Variants in MAU2 observed in about 807,000 individuals in gnomAD.
MAU2 encodes the protein MAU2 chromatid cohesion factor homolog.
MAU2 carries 9 observed loss-of-function variants against 89.1 expected under a neutral mutation model. The observed-to-expected ratio is 0.10, with a 90% CI of 0.06 to 0.18. The LOEUF is 0.18. MAU2 is among the 10% of genes least tolerant of loss of function. MAU2 has a pLI of 1.00. For missense variants in MAU2, 425 were observed against 803.5 expected (o/e 0.53, Z 5.69); for synonymous variants, 357 against 343.4 (o/e 1.04, Z -0.44).
chr19:19,352,384 C>T (rs936403225), intron 16 of MAU2: 8 of 152,230 alleles, frequency 5.3e-5, no homozygotes, highest in African/African-American at 1.9e-4. Context: ...CACACAGACA[C>T]ATAACTGTGT....
Position 19,341,357 on chromosome 19 carries a change from C to T in MAU2, c.685C>T (p.Arg229Cys), listed in dbSNP as rs1175943006. ...QGNPIQKESL[R>C]VFFLVLQVTH... ...GAACCCCATCCAGAAGGAGTCGCTG[C>T]GTGTCTTCTTCCTGGTGCTCCAGGT... is the stretch of plus-strand genomic sequence containing the variant. The change falls in exon 7 of 19, where the codon CGT becomes TGT. Residue 229 changes from arginine (R) to cysteine (C), a missense_variant. Physicochemically the swap from Arg to Cys is radical, Grantham distance 180. Around this residue, in one of 11 missense-constraint regions of MAU2, gnomAD observed 119 missense variants for 299.8 expected, o/e 0.40. Transcript: ENST00000262815. 4 of 1,613,900 alleles carry T rather than the reference C, an allele frequency of 2.5e-6. No homozygotes were observed. Among genetic ancestry groups the T allele is most frequent in the South Asian group, 2.2e-5 (2 of 91,078 alleles).
chr19:19,344,058 C>T (rs548935330), intron 10 of MAU2, 118 bp downstream of exon 10: 39 of 785,744 alleles, frequency 5.0e-5, no homozygotes, highest in African/African-American at 4.9e-4. Flanking sequence ...CCTGCTGTCT[C>T]GCTGTCGGCC....
In MAU2 at chr19:19,355,914, CG is replaced by C; in HGVS notation, c.*136del. On this transcript the variant is annotated 3_prime_UTR_variant, in exon 19 of 19. Coordinates refer to ENST00000262815, the MANE Select transcript of MAU2 (RefSeq NM_015329.4). ...AGAGCTTCCAAGTCCTGGGAATGTG[CG>C]GGGCCAGTCCCTGCCCTCCCAGGAG... The C allele has an allele frequency of 1.1e-6, 1 of 893,948 alleles. No individual in the cohort carries two copies. The highest frequency in any genetic ancestry group is 1.8e-6 in the Non-Finnish European group (1 of 553,162). 55.4% of individuals were successfully genotyped at this position (893,948 alleles called of 1,614,324 possible). A position where few individuals can be genotyped will look rare whatever the true frequency, so the allele number is the denominator to read the frequency against.
At position 19,356,173 on chromosome 19, in the gene MAU2, G is replaced by A; in HGVS notation, c.*391G>A. ...ACCACGCCTGACTCTCCATCACCCA[G>A]GCCTTGATGCCGAGCGGGAGTAGAG... On this transcript the variant is annotated 3_prime_UTR_variant, in exon 19 of 19. Coordinates refer to ENST00000262815, the MANE Select transcript of MAU2 (RefSeq NM_015329.4). 2.4e-6 allele frequency: 1 copy of A among 409,640 alleles called. No homozygotes were observed. The highest frequency in any genetic ancestry group is 6.6e-5 in the East Asian group (1 of 15,210). 25.4% of individuals were successfully genotyped at this position (409,640 alleles called of 1,614,324 possible). A position where few individuals can be genotyped will look rare whatever the true frequency, so the allele number is the denominator to read the frequency against.
chr19:19,321,391 T>G, intron 1 of MAU2: 1 of 453,422 alleles, frequency 2.2e-6, no homozygotes, highest in Non-Finnish European at 3.9e-6. Flanking sequence ...CACCGTACTC[T>G]GAAAGTTGCC....
In MAU2 at chr19:19,355,286, C is replaced by T. The variant is rs184450529; in HGVS notation, c.1662C>T (p.Asn554=). ...LLRDLNKACG[N]AMDAHEAAQM... ...CAGACCTGAATAAAGCCTGTGGGAA[C>T]GCCATGGATGCCCATGAAGCCGCCC... The change falls in exon 18 of 19, where the codon AAC becomes AAT. Residue 554 remains asparagine, a synonymous_variant. Coordinates refer to ENST00000262815, the MANE Select transcript of MAU2 (RefSeq NM_015329.4). 17 of 1,614,086 alleles carry T rather than the reference C, an allele frequency of 1.1e-5. No homozygotes were observed. Among genetic ancestry groups the T allele is most frequent in the East Asian group, 2.2e-5 (1 of 44,888 alleles).
intron 12 of MAU2, among the ~76,000 whole-genome samples, chr19:19,346,241 G>C (rs1048583170): frequency 4.6e-5 from 7 of 152,068 alleles, no homozygotes; most frequent in African/African-American, 1.7e-4. Flanking sequence ...TCCTCACCTC[G>C]CTCCCAGGAC....
At chr19:19,339,849 C>G (rs974098894) in intron 5 of MAU2, 1 of 151,734 alleles carries the variant, frequency 6.6e-6, no homozygotes, top group African/African-American at 2.4e-5. Context: ...CATGGTGAAA[C>G]CCCGTCTCTA....
chr19:19,334,435 T>C, intron 1 of MAU2: 1 of 985,710 alleles, frequency 1.0e-6, no homozygotes, highest in Non-Finnish European at 1.2e-6. Context: ...CTCTGTGCTT[T>C]CCCAGTGCCT....
In MAU2 at chr19:19,332,572, C is replaced by G. The variant is rs552821264; in HGVS notation, c.277-3146C>G. Among the ~76,000 whole-genome samples the G allele has an allele frequency of 2.1e-5, 3 of 143,158 alleles. No individual in the cohort carries two copies. The East Asian group carries it at 6.3e-4, about 30-fold the overall frequency. 93.9% of individuals were successfully genotyped at this position (143,158 alleles called of 152,430 possible). A position where few individuals can be genotyped will look rare whatever the true frequency, so the allele number is the denominator to read the frequency against. On this transcript the variant is annotated intron_variant, in intron 1 of 18. Transcript: ENST00000262815. ...AATCCTCTGGCTCCCAGTCAGCGCTCCTGACACCCACTGACGCTAGTGGAC... is the reference window on the plus strand; with the variant it reads ...AATCCTCTGGCTCCCAGTCAGCGCTGCTGACACCCACTGACGCTAGTGGAC...
chr19:19,344,116 C>A, intron 10 of MAU2, 176 bp downstream of exon 10: 1 of 603,748 alleles, frequency 1.7e-6, no homozygotes, highest in Admixed American at 2.7e-5. Flanking sequence ...GAATCTCATA[C>A]AAAAACCAGT....
intron 1 of MAU2, among the ~76,000 whole-genome samples, chr19:19,330,290 CTT>C (rs942334351): frequency 6.6e-6 from 1 of 151,202 alleles, no homozygotes; most frequent in Non-Finnish European, 1.5e-5. Flanking sequence ...AACCCTGTCT[CTT>C]ATAAAAACAA....
chr19:19,342,476 G>C, intron 7 of MAU2, 59 bp from the exon 8 acceptor site: 22 of 1,504,668 alleles, frequency 1.5e-5, no homozygotes, highest in South Asian at 5.4e-5. Flanking sequence ...TGGCTGGGCT[G>C]GGCCTGGCTT....
At chr19:19,340,605 C>T (rs1326434121) in intron 5 of MAU2, among the ~76,000 whole-genome samples, 2 of 152,090 alleles carry the variant, frequency 1.3e-5, no homozygotes, top group Non-Finnish European at 2.9e-5. Flanking sequence ...CACCACTGCA[C>T]TCCAGCCTGG....
At chr19:19,331,790 C>A (rs2061557681) in intron 1 of MAU2, among the ~76,000 whole-genome samples, 1 of 152,126 alleles carries the variant, frequency 6.6e-6, no homozygotes, top group Non-Finnish European at 1.5e-5. Context: ...AAAGTGAAGT[C>A]ATTTAGTAGG....
intron 4 of MAU2, 113 bp from the exon 5 acceptor site, chr19:19,338,732 G>C (rs557649687): frequency 1.4e-6 from 1 of 696,668 alleles, no homozygotes; most frequent in East Asian, 2.7e-5. Context: ...ACTGACACAG[G>C]CAGTTTCACT....
In MAU2 at chr19:19,356,382, G is replaced by A; in HGVS notation, c.*600G>A. On this transcript the variant is annotated 3_prime_UTR_variant, in exon 19 of 19. Transcript: ENST00000262815. The stretch of plus-strand genomic sequence containing the variant: ...TGGTCAGGAACCCTCAGGGACCCAG[G>A]AACTCAGCTTCCAAACATCTGCACC... The A allele has an allele frequency of 3.4e-6, 1 of 293,900 alleles. No individual in the cohort carries two copies. The highest frequency in any genetic ancestry group is 6.8e-6 in the Non-Finnish European group (1 of 147,950). 18.2% of individuals were successfully genotyped at this position (293,900 alleles called of 1,614,324 possible). A position where few individuals can be genotyped will look rare whatever the true frequency, so the allele number is the denominator to read the frequency against.
In MAU2 at chr19:19,356,076, C is replaced by T. The variant is rs373374982; in HGVS notation, c.*294C>T. ...TCCTGCCTCAGCATCTGGGTCACGT[C>T]GGCCAGGAGTAGGGTGCAGGCCTCC... is the stretch of plus-strand genomic sequence containing the variant. On this transcript the variant is annotated 3_prime_UTR_variant, in exon 19 of 19. Coordinates refer to ENST00000262815, the MANE Select transcript of MAU2 (RefSeq NM_015329.4). 251 of 575,398 alleles carry T rather than the reference C, an allele frequency of 4.4e-4. 2 individuals carry two copies. In the East Asian group the frequency reaches 8.1e-3, roughly 19 times the overall value. 35.6% of individuals were successfully genotyped at this position (575,398 alleles called of 1,614,324 possible).
In MAU2 at chr19:19,356,381, G is replaced by A. The variant is rs769695348; in HGVS notation, c.*599G>A. 35 of 295,406 alleles carry A rather than the reference G, an allele frequency of 1.2e-4. No homozygotes were observed. The highest frequency in any genetic ancestry group is 2.1e-4 in the Non-Finnish European group (31 of 148,868). The allele number at this position is 295,406 out of a possible 1,614,324, so 18.3% of individuals were successfully genotyped here. A position where few individuals can be genotyped will look rare whatever the true frequency, so the allele number is the denominator to read the frequency against. ...CTGGTCAGGAACCCTCAGGGACCCA[G>A]GAACTCAGCTTCCAAACATCTGCAC... On this transcript the variant is annotated 3_prime_UTR_variant, in exon 19 of 19. Coordinates refer to ENST00000262815, the MANE Select transcript of MAU2 (RefSeq NM_015329.4).
Sources: gnomAD v4.1 joint callset for allele counts (sites outside exome capture counted in the v4.1 genomes callset) on GRCh38, gnomAD v4.1.1 for gene constraint, gnomAD v4.1.1 regional missense constraint, MANE v1.5 for transcripts, NCBI Gene and HGNC (gene_info 2026-07-23, HGNC 2026-07-21) for gene names.